Variants in SYNE1 observed in about 807,000 individuals in gnomAD.
SYNE1 encodes the protein nesprin-1.
SYNE1 carries 616 observed loss-of-function variants against 1,111.0 expected under a neutral mutation model. The ratio of observed to expected loss-of-function variants is 0.55; its 90% confidence interval spans 0.52 to 0.59. The LOEUF (loss-of-function observed/expected upper bound fraction) is 0.59, where lower values mean the gene tolerates loss of function less well. SYNE1 is among the 20% of genes least tolerant of loss of function. The pLI is 0.00. For missense variants in SYNE1, 10,006 were observed against 10,417.0 expected (o/e 0.96, Z 1.72); for synonymous variants, 3,855 against 3,825.8 (o/e 1.01, Z -0.28).
chr6:152,554,132 G>A (rs1564817837), intron 3 of SYNE1, among the ~76,000 whole-genome samples: 1 of 152,030 alleles, frequency 6.6e-6, no homozygotes, highest in Non-Finnish European at 1.5e-5. Flanking sequence ...GAGCTGAGGG[G>A]CATGGTCTGC....
At chr6:152,511,548 A>G in intron 6 of SYNE1, 5 of 1,611,242 alleles carry the variant, frequency 3.1e-6, no homozygotes. Context: ...TCAGGAGTTA[A>G]GAATTCTAAA....
In SYNE1 at chr6:152,428,368, G is replaced by A. The variant is rs1330691743; in HGVS notation, c.4813C>T (p.Leu1605=). The A allele has an allele frequency of 6.2e-7, 1 of 1,613,922 alleles. No homozygotes were observed. The highest frequency in any genetic ancestry group is 1.1e-5 in the South Asian group (1 of 91,074). Residue 1605 remains leucine, a synonymous_variant, in exon 37 of 146, where the codon CTG becomes TTG. Coordinates refer to ENST00000367255, the MANE Select transcript of SYNE1 (RefSeq NM_182961.4). ...GAGAAGGCAGTGATCGCGCTGCTCA[G>A]TGACTCCAGGGCCTGGCAGAGATCC... ...HMDLCQALES[L]SSAITAFSAS...
chr6:152,447,536 C>T lies in SYNE1; in HGVS notation c.3591G>A (p.Glu1197=), dbSNP rs1171762804. 3 of 1,614,226 alleles carry T rather than the reference C, an allele frequency of 1.9e-6. No homozygotes were observed. The South Asian group carries it at 3.3e-5, about 18-fold the overall frequency. ...RLKVLTEVSS[E]NEAQKQGDEL... Reference sequence around the variant, plus strand: ...CATCTCCCTGCTTTTGGGCTTCATTCTCAGAAGAAACTTCTGTCAAAACTT... The same window carrying T: ...CATCTCCCTGCTTTTGGGCTTCATTTTCAGAAGAAACTTCTGTCAAAACTT... The change falls in exon 29 of 146, where the codon GAG becomes GAA. Residue 1197 remains glutamate (E), a synonymous_variant. Coordinates refer to ENST00000367255, the MANE Select transcript of SYNE1 (RefSeq NM_182961.4).
chr6:152,354,756 A>G lies in SYNE1; in HGVS notation c.10829T>C (p.Val3610Ala). 6.2e-7 allele frequency: 1 copy of G among 1,614,188 alleles called. No homozygotes were observed. Among genetic ancestry groups the G allele is most frequent in the Non-Finnish European group, 8.5e-7 (1 of 1,180,044 alleles). ...LRLMEQKFQQVDEWLKTAEEK... is the reference protein window; with the variant it reads ...LRLMEQKFQQADEWLKTAEEK... ...CTCTGCTGTTTTGAGCCATTCATCT[A>G]CTTGCTGAAACTTTTGCTCCATTAG... Residue 3610 changes from valine to alanine, a missense_variant, in exon 67 of 146, where the codon GTA (valine) becomes GCA (alanine). Physicochemically the swap from Val to Ala is moderately conservative, Grantham distance 64. Coordinates refer to ENST00000367255, the MANE Select transcript of SYNE1 (RefSeq NM_182961.4).
Position 152,141,243 on chromosome 6 carries a change from A to G in SYNE1, c.25206T>C (p.Pro8402=). The G allele has an allele frequency of 6.2e-7, 1 of 1,614,200 alleles. No individual in the cohort carries two copies. Among genetic ancestry groups the G allele is most frequent in the African/African-American group, 1.3e-5 (1 of 75,058 alleles). ...HKLKEEEESL[P]GFVNLHSTET... ...CGGTACTATGCAGGTTAACAAAGCC[A>G]GGAAGGCTCTCCTCTTCCTCCTTCA... The change falls in exon 139 of 146, where the codon CCT becomes CCC. Residue 8402 remains proline, a synonymous_variant. Transcript: ENST00000367255.
Position 152,221,432 on chromosome 6 carries a change from T to G in SYNE1, c.21650A>C (p.Asn7217Thr), listed in dbSNP as rs1281391865. The G allele has an allele frequency of 1.2e-6, 2 of 1,613,862 alleles. No individual in the cohort carries two copies. The highest frequency in any genetic ancestry group is 1.3e-5 in the African/African-American group (1 of 74,924). Residue 7217 changes from asparagine (N) to threonine (T), a missense_variant, in exon 118 of 146, where the codon AAC becomes ACC. Around this residue, in one of 7 missense-constraint regions of SYNE1, gnomAD observed 2,182 missense variants for 2,287.8 expected, o/e 0.95. Coordinates refer to ENST00000367255, the MANE Select transcript of SYNE1 (RefSeq NM_182961.4). Reference sequence around the variant, plus strand: ...AAGTTAACATACTCCATACCTCATGTTGACTTCTTTCAGTGTATTGGTAAG... The same window carrying G: ...AAGTTAACATACTCCATACCTCATGGTGACTTCTTTCAGTGTATTGGTAAG... ...ETLTNTLKEV[N>T]MRWNNLLEEI...
rs2153724678 is a variant in SYNE1, at chr6:152,281,850, G to C, written c.18338C>G (p.Pro6113Arg). The C allele has an allele frequency of 6.2e-7, 1 of 1,614,098 alleles. No homozygotes were observed. Among genetic ancestry groups the C allele is most frequent in the Non-Finnish European group, 8.5e-7 (1 of 1,180,016 alleles). Residue 6113 changes from proline (P) to arginine (R), a missense_variant, in exon 97 of 146, where the codon CCC (proline) becomes CGC (arginine). Coordinates refer to ENST00000367255, the MANE Select transcript of SYNE1 (RefSeq NM_182961.4). ...GGCCTCCATGTCCATGGGCTCCTTG[G>C]GTGGACTCAGCGCAGTGTCCAGAGT... ...KATLDTALSP[P>R]KEPMDMEAQL...
chr6:152,381,395 G>A (rs2097411874), intron 55 of SYNE1, 33 bp from the exon 56 acceptor site: 1 of 1,603,514 alleles, frequency 6.2e-7, no homozygotes, highest in Non-Finnish European at 8.5e-7. Flanking sequence ...TAACTGAAGA[G>A]CCTGTGAGTC....
chr6:152,142,287 T>C (rs1053277385), intron 138 of SYNE1, among the ~76,000 whole-genome samples: 2 of 152,198 alleles, frequency 1.3e-5, no homozygotes, highest in African/African-American at 4.8e-5. Context: ...CAATGCAGTA[T>C]ATAATTTTTG....
chr6:152,348,879 C>T (rs762445140), intron 72 of SYNE1, among the ~76,000 whole-genome samples: 16 of 152,006 alleles, frequency 1.1e-4, no homozygotes, highest in Non-Finnish European at 1.9e-4. Context: ...ACAAACAGCG[C>T]TGGGCTAGCA....
chr6:152,230,448 T>TA (rs1260150228), intron 115 of SYNE1, 99 bp downstream of exon 115: 70 of 1,316,984 alleles, frequency 5.3e-5, no homozygotes, highest in Non-Finnish European at 5.3e-5. Context: ...TTTAAATATT[T>TA]AAAAAAATAT....
chr6:152,398,644 A>G lies in SYNE1; in HGVS notation c.7325T>C (p.Leu2442Pro). 2 of 1,613,998 alleles carry G rather than the reference A, an allele frequency of 1.2e-6. No individual in the cohort carries two copies. Among genetic ancestry groups the G allele is most frequent in the East Asian group, 2.2e-5 (1 of 44,854 alleles). ...SSDRTGDSKV[L>P]EAKLHDLQNI... ...CTGAAGATCATGGAGCTTTGCTTCT[A>G]GAACTTTGCTGTCACCGGTGCGATC... Residue 2442 changes from leucine (L) to proline (P), a missense_variant, in exon 49 of 146, where the codon CTA becomes CCA. By Grantham distance (98) the Leu-to-Pro change is moderately conservative. Around this residue, in one of 7 missense-constraint regions of SYNE1, gnomAD observed 4,955 missense variants for 5,017.2 expected, o/e 0.99. Coordinates refer to ENST00000367255, the MANE Select transcript of SYNE1 (RefSeq NM_182961.4).
chr6:152,331,839 T>C lies in SYNE1; in HGVS notation c.12846A>G (p.Ala4282=). The C allele has an allele frequency of 1.9e-6, 3 of 1,613,936 alleles. No homozygotes were observed. Among genetic ancestry groups the C allele is most frequent in the South Asian group, 1.1e-5 (1 of 91,086 alleles). ...CATACTTTCTCTCCTGCAATGCCAA[T>C]GCTAACTTTTTCAAAGCTTCCAGGT... is the stretch of plus-strand genomic sequence containing the variant. ...AVHLEALKKL[A]LALQERKYAI... The change falls in exon 78 of 146, where the codon GCA becomes GCG. Residue 4282 remains alanine (A), a synonymous_variant. Transcript: ENST00000367255.
At chr6:152,452,188 C>T (rs952129114) in intron 25 of SYNE1, among the ~76,000 whole-genome samples, 2 of 152,106 alleles carry the variant, frequency 1.3e-5, no homozygotes, top group Non-Finnish European at 2.9e-5. Flanking sequence ...TTAATTTTAA[C>T]TAACTTCTAT....
chr6:152,428,511 T>C (rs1592498052), intron 36 of SYNE1, 119 bp from the exon 37 acceptor site: 1 of 901,196 alleles, frequency 1.1e-6, no homozygotes, highest in East Asian at 2.6e-5. Context: ...GGAATAGCAC[T>C]AAGAATGGGT....
intron 4 of SYNE1, among the ~76,000 whole-genome samples, chr6:152,530,654 C>T (rs1186957286): frequency 6.8e-6 from 1 of 147,946 alleles, no homozygotes; most frequent in Non-Finnish European, 1.5e-5. Flanking sequence ...CGGAGTCTTG[C>T]TCTGTGGCCC....
chr6:152,353,462 T>C (rs1474169795), intron 68 of SYNE1, 29 bp from the exon 69 acceptor site: 1 of 1,613,880 alleles, frequency 6.2e-7, no homozygotes, highest in Non-Finnish European at 8.5e-7. Context: ...AATTGAATGG[T>C]GAAGTAAAGG....
In SYNE1 at chr6:152,381,337, C is replaced by T. The variant is rs756244441; in HGVS notation, c.8678G>A (p.Gly2893Asp). The T allele has an allele frequency of 1.2e-6, 2 of 1,613,888 alleles. No individual in the cohort carries two copies. Among genetic ancestry groups the T allele is most frequent in the Admixed American group, 1.7e-5 (1 of 60,030 alleles). ...IKELIDSREI[G>D]ASRLSRVESL... Reference sequence around the variant, plus strand: ...CTCCACTCTGCTGAGACGGCTTGCACCAATCTCTCTGGAATCTATCAGCTC... The same window carrying T: ...CTCCACTCTGCTGAGACGGCTTGCATCAATCTCTCTGGAATCTATCAGCTC... The change falls in exon 56 of 146, where the codon GGT becomes GAT. Residue 2893 changes from glycine (G) to aspartate (D), a missense_variant. By Grantham distance (94) the Gly-to-Asp change is moderately conservative. Transcript: ENST00000367255.
chr6:152,574,177 CAT>C lies in SYNE1; in HGVS notation c.68-34158_68-34157del, dbSNP rs530222100. ...ACATATATATGTATATATATACACA[CAT>C]ATATATATACACATAAATATATACA... is the stretch of plus-strand genomic sequence containing the variant. On this transcript the variant is annotated intron_variant, in intron 3 of 145. Coordinates refer to ENST00000367255, the MANE Select transcript of SYNE1 (RefSeq NM_182961.4). Among the ~76,000 whole-genome samples the C allele has an allele frequency of 8.2e-4, 114 of 139,546 alleles. 2 individuals are homozygous for C. Among genetic ancestry groups the C allele is most frequent in the African/African-American group, 2.9e-3 (104 of 36,112 alleles). 91.5% of individuals were successfully genotyped at this position (139,546 alleles called of 152,430 possible).
Sources: gnomAD v4.1 joint callset for allele counts (sites outside exome capture counted in the v4.1 genomes callset) on GRCh38, gnomAD v4.1.1 for gene constraint, gnomAD v4.1.1 regional missense constraint, MANE v1.5 for transcripts, NCBI Gene and HGNC (gene_info 2026-07-23, HGNC 2026-07-21) for gene names.